The following SLC2A13 variants were observed in gnomAD, a reference collection of about 807,000 sequenced individuals.
SLC2A13 encodes the protein proton myo-inositol cotransporter.
A neutral mutation model predicts 64.4 loss-of-function variants in SLC2A13; 32 were observed. That is an observed-to-expected ratio of 0.50 (90% CI 0.37 to 0.67). SLC2A13 has a LOEUF of 0.67. SLC2A13 is among the 30% of genes least tolerant of loss of function. The pLI is 0.00. For missense variants in SLC2A13, 743 were observed against 829.2 expected (o/e 0.90, Z 1.28); for synonymous variants, 338 against 327.1 (o/e 1.03, Z -0.36).
chr12:39,822,477 G>A (rs900662228), intron 7 of SLC2A13, among the ~76,000 whole-genome samples: 3 of 152,118 alleles, frequency 2.0e-5, no homozygotes, highest in Non-Finnish European at 2.9e-5. Flanking sequence ...CACCAGCCAC[G>A]CATTTTCCTT....
chr12:39,899,787 A>T (rs1209600795), intron 4 of SLC2A13, among the ~76,000 whole-genome samples: 2 of 151,986 alleles, frequency 1.3e-5, no homozygotes, highest in East Asian at 3.9e-4. Flanking sequence ...GTAGTTGAGC[A>T]GTTTTGAGTG....
At chr12:40,060,888 G>A (rs1470904499) in intron 1 of SLC2A13, among the ~76,000 whole-genome samples, 1 of 152,234 alleles carries the variant, frequency 6.6e-6, no homozygotes, top group Admixed American at 6.5e-5. Context: ...ATCTTGTGGT[G>A]CATAAATGCA....
intron 1 of SLC2A13, among the ~76,000 whole-genome samples, chr12:40,070,763 C>G (rs1262912123): frequency 6.6e-6 from 1 of 152,124 alleles, no homozygotes; most frequent in African/African-American, 2.4e-5. Flanking sequence ...CTAGTTACTT[C>G]CCTTCACCTC....
chr12:39,968,331 G>T (rs1416320870), intron 3 of SLC2A13, among the ~76,000 whole-genome samples: 1 of 152,022 alleles, frequency 6.6e-6, no homozygotes, highest in African/African-American at 2.4e-5. Flanking sequence ...AGAACAACAT[G>T]GAGGTAACTG....
At chr12:40,103,713 T>C (rs1419870335) in intron 1 of SLC2A13, among the ~76,000 whole-genome samples, 3 of 152,200 alleles carry the variant, frequency 2.0e-5, no homozygotes, top group African/African-American at 7.2e-5. Flanking sequence ...ATGTTATTTC[T>C]ATGTCAGAAG....
intron 4 of SLC2A13, among the ~76,000 whole-genome samples, chr12:39,918,342 T>C (rs1198214910): frequency 6.8e-6 from 1 of 147,080 alleles, no homozygotes; most frequent in East Asian, 2.1e-4. Flanking sequence ...AGCATGAATG[T>C]ATAACAGAAC....
At chr12:39,889,245 C>A (rs569387820) in intron 4 of SLC2A13, among the ~76,000 whole-genome samples, 1 of 152,118 alleles carries the variant, frequency 6.6e-6, no homozygotes, top group East Asian at 1.9e-4. Flanking sequence ...TCAGTTAAAA[C>A]CCCAAATTTG....
rs1940015445 is a variant in SLC2A13, at chr12:39,758,078, TTAAATCA to T, written c.*1941_*1947del. On this transcript the variant is annotated 3_prime_UTR_variant, in exon 10 of 10. Transcript: ENST00000280871. ...ATCAATAGAATAATAATTTTCCCTA[TTAAATCA>T]TATCTGCTTTTCTGAGGAAAAAATC... 1 of 151,636 alleles carries T rather than the reference TTAAATCA, an allele frequency of 6.6e-6. No individual in the cohort carries two copies. The highest frequency in any genetic ancestry group is 1.5e-5 in the Non-Finnish European group (1 of 67,696). 9.4% of individuals were successfully genotyped at this position (151,636 alleles called of 1,614,324 possible). A position where few individuals can be genotyped will look rare whatever the true frequency, so the allele number is the denominator to read the frequency against.
intron 1 of SLC2A13, among the ~76,000 whole-genome samples, chr12:40,078,147 C>T (rs1459740436): frequency 1.3e-5 from 2 of 152,038 alleles, no homozygotes; most frequent in African/African-American, 4.8e-5. Context: ...TTTTACTTTT[C>T]TCTTGCATGA....
chr12:39,964,062 AAAAG>A (rs1380459835), intron 3 of SLC2A13, among the ~76,000 whole-genome samples: 1 of 152,182 alleles, frequency 6.6e-6, no homozygotes, highest in African/African-American at 2.4e-5. Context: ...GTAACATCTT[AAAAG>A]AAAGAGACGA....
At chr12:39,912,885 G>A (rs1945453986) in intron 4 of SLC2A13, among the ~76,000 whole-genome samples, 1 of 152,084 alleles carries the variant, frequency 6.6e-6, no homozygotes, top group Non-Finnish European at 1.5e-5. Flanking sequence ...CAACATAGCC[G>A]TTGAACAAAT....
At chr12:40,054,648 G>A (rs544269432) in intron 1 of SLC2A13, among the ~76,000 whole-genome samples, 2 of 152,268 alleles carry the variant, frequency 1.3e-5, no homozygotes, top group South Asian at 4.1e-4. Context: ...CAGTGCGACC[G>A]GATTCACACA....
intron 4 of SLC2A13, among the ~76,000 whole-genome samples, chr12:39,943,081 A>G (rs185892059): frequency 3.7e-4 from 56 of 152,240 alleles, no homozygotes; most frequent in African/African-American, 1.1e-3. Context: ...TCACCAGCGG[A>G]GACTGTGGAA....
chr12:39,837,730 A>C (rs1453853027), intron 6 of SLC2A13, among the ~76,000 whole-genome samples: 1 of 152,226 alleles, frequency 6.6e-6, no homozygotes, highest in African/African-American at 2.4e-5. Flanking sequence ...ACCAAAAAAC[A>C]CATGAAAAAA....
intron 7 of SLC2A13, among the ~76,000 whole-genome samples, chr12:39,823,204 A>G (rs1942574219): frequency 6.6e-6 from 1 of 152,234 alleles, no homozygotes; most frequent in South Asian, 2.1e-4. Flanking sequence ...CAAATGGATT[A>G]AAATATTCTA....
intron 4 of SLC2A13, among the ~76,000 whole-genome samples, chr12:39,910,069 C>T (rs1945392753): frequency 6.6e-6 from 1 of 152,024 alleles, no homozygotes; most frequent in Non-Finnish European, 1.5e-5. Context: ...ACTCTCTCAA[C>T]AGCCCTTAGA....
At chr12:40,021,771 A>T (rs148398311) in intron 3 of SLC2A13, among the ~76,000 whole-genome samples, 1,649 of 152,326 alleles carry the variant, frequency 0.011, 125 homozygotes, top group Admixed American at 0.095. Context: ...AAACTACCAA[A>T]TATATTAGAG....
At chr12:39,979,894 A>C (rs1171841299) in intron 3 of SLC2A13, among the ~76,000 whole-genome samples, 1 of 136,462 alleles carries the variant, frequency 7.3e-6, no homozygotes, top group Non-Finnish European at 1.6e-5. Context: ...AGTTGAAATG[A>C]AGGAAAAAAT....
rs1454229350 is a variant in SLC2A13 at position 39,883,534 on chromosome 12, T to C, written c.1035-11573A>G. On this transcript the variant is annotated intron_variant, in intron 4 of 9. Transcript: ENST00000280871. ...GGACGGAAAAAGGTGACAGTTTATT[T>C]AAAATTTTTCTCAGGAGGCTTAAGA... 2.0e-5 allele frequency among the ~76,000 whole-genome samples: 3 copies of C among 152,170 alleles called. No homozygotes were observed. In the East Asian group the frequency reaches 5.8e-4, roughly 29 times the overall value.
Sources: allele counts gnomAD v4.1 joint callset (sites outside exome capture counted in the v4.1 genomes callset), GRCh38; gene constraint gnomAD v4.1.1; transcripts MANE v1.5; gene names NCBI Gene and HGNC (gene_info 2026-07-23, HGNC 2026-07-21).